Variants in PCDHA3 observed in about 807,000 individuals in gnomAD.
PCDHA3 encodes the protein protocadherin alpha-3.
A neutral mutation model predicts 62.2 loss-of-function variants in PCDHA3; 41 were observed. The ratio of observed to expected loss-of-function variants is 0.66; its 90% CI spans 0.51 to 0.86. PCDHA3 has a LOEUF of 0.86. Ranked by LOEUF, PCDHA3 falls within the 40% of genes least tolerant of loss-of-function variation. PCDHA3 has a pLI of 0.00. For synonymous variants in PCDHA3, 640 were observed against 555.4 expected (o/e 1.15, Z -2.14); for missense variants, 1,304 against 1,241.2 (o/e 1.05, Z -0.76).
At chr5:140,919,306 A>T (rs1407810868) in intron 1 of PCDHA3, among the ~76,000 whole-genome samples, 1 of 152,150 alleles carries the variant, frequency 6.6e-6, no homozygotes, top group Non-Finnish European at 1.5e-5. Context: ...TGTACAATAT[A>T]TGTTTTCCCA....
Position 140,803,157 on chromosome 5 carries a change from C to A in PCDHA3, c.1960C>A (p.His654Asn), listed in dbSNP as rs781969076. The change falls in exon 1 of 4, where the codon CAC (histidine) becomes AAC (asparagine). Residue 654 changes from histidine to asparagine, a missense_variant. By Grantham distance (68) the His-to-Asn change is moderately conservative. Coordinates refer to ENST00000522353, the MANE Select transcript of PCDHA3 (RefSeq NM_018906.3). ...RHRLLVLVKD[H>N]GEPSLTATAT... Reference sequence around the variant, plus strand: ...TCGCCTACTGGTGCTGGTGAAGGACCACGGTGAACCCTCATTGACCGCCAC... The same window carrying A: ...TCGCCTACTGGTGCTGGTGAAGGACAACGGTGAACCCTCATTGACCGCCAC... 6.2e-7 allele frequency: 1 copy of A among 1,613,868 alleles called. No homozygotes were observed. Among genetic ancestry groups the A allele is most frequent in the Non-Finnish European group, 8.5e-7 (1 of 1,179,942 alleles).
chr5:140,818,713 C>A (rs1042891714), intron 1 of PCDHA3, among the ~76,000 whole-genome samples: 1 of 152,124 alleles, frequency 6.6e-6, no homozygotes, highest in Non-Finnish European at 1.5e-5. Flanking sequence ...TGGTGCACAC[C>A]TGTGGTCCCA....
At chr5:140,883,303 T>C in intron 1 of PCDHA3, 3 of 1,614,096 alleles carry the variant, frequency 1.9e-6, no homozygotes, top group Non-Finnish European at 2.5e-6. Flanking sequence ...ATGTAAATGA[T>C]AACGCCCCAG....
At chr5:140,831,563 A>G (rs2150196275) in intron 1 of PCDHA3, among the ~76,000 whole-genome samples, 6 of 126,944 alleles carry the variant, frequency 4.7e-5, no homozygotes, top group Admixed American at 4.6e-4. Context: ...GGGTTTCTCC[A>G]TGTTGCCCAG....
chr5:140,881,803 T>A (rs574659861), intron 1 of PCDHA3, among the ~76,000 whole-genome samples: 5 of 152,058 alleles, frequency 3.3e-5, no homozygotes, highest in Non-Finnish European at 7.3e-5. Context: ...CCAAAACGAG[T>A]GTCGAATATT....
chr5:140,943,005 C>T (rs1383622610), intron 1 of PCDHA3, among the ~76,000 whole-genome samples: 2 of 151,608 alleles, frequency 1.3e-5, no homozygotes, highest in African/African-American at 4.8e-5. Context: ...GCCTGTAATC[C>T]CAGCACTTTG....
At chr5:140,826,767 G>A (rs2150145358) in intron 1 of PCDHA3, among the ~76,000 whole-genome samples, 1 of 152,140 alleles carries the variant, frequency 6.6e-6, no homozygotes, top group Non-Finnish European at 1.5e-5. Flanking sequence ...ATATTGGAGA[G>A]TAATTGAAAA....
chr5:140,918,748 C>T (rs1303112000), intron 1 of PCDHA3, among the ~76,000 whole-genome samples: 1 of 152,110 alleles, frequency 6.6e-6, no homozygotes, highest in Non-Finnish European at 1.5e-5. Flanking sequence ...ATAAAAGAGG[C>T]CCAGAGAGGT....
chr5:140,913,756 A>G (rs1184722554), intron 1 of PCDHA3, among the ~76,000 whole-genome samples: 1 of 152,072 alleles, frequency 6.6e-6, no homozygotes, highest in African/African-American at 2.4e-5. Context: ...GTTGTATCTC[A>G]TAGGTTTTGG....
chr5:140,877,422 G>A (rs781813282), intron 1 of PCDHA3: 2 of 1,613,784 alleles, frequency 1.2e-6, no homozygotes, highest in Admixed American at 1.7e-5. Context: ...TGCTGGTGCT[G>A]GTGAAGGACC....
At chr5:140,814,067 AT>A (rs1428108112) in intron 1 of PCDHA3, 2 of 153,412 alleles carry the variant, frequency 1.3e-5, no homozygotes, top group African/African-American at 4.8e-5. Flanking sequence ...GTAAACTTAA[AT>A]TTTTTAACCT....
At chr5:140,848,733 C>T (rs2150418952) in intron 1 of PCDHA3, 1 of 1,592,812 alleles carries the variant, frequency 6.3e-7, no homozygotes, top group East Asian at 2.2e-5. Context: ...GGTAAATCTG[C>T]AGAATGGCAT....
chr5:140,945,246 G>A (rs1257337219), intron 1 of PCDHA3, among the ~76,000 whole-genome samples: 1 of 151,864 alleles, frequency 6.6e-6, no homozygotes, highest in African/African-American at 2.4e-5. Context: ...TTAACCAAGA[G>A]GATGAAAGAC....
intron 2 of PCDHA3, 125 bp downstream of exon 2, chr5:140,979,132 A>T: frequency 4.8e-6 from 7 of 1,471,500 alleles, no homozygotes; most frequent in Non-Finnish European, 6.3e-6. Context: ...TGCCAGGAAA[A>T]TGCAATTATT....
intron 1 of PCDHA3, chr5:140,853,500 T>C (rs2042770346): frequency 1.0e-6 from 1 of 977,532 alleles, no homozygotes; most frequent in Non-Finnish European, 1.2e-6. Flanking sequence ...GTTAGAATCA[T>C]GAAACAATAA....
chr5:140,810,185 T>A (rs1764614415), intron 1 of PCDHA3: 1 of 152,278 alleles, frequency 6.6e-6, no homozygotes, highest in African/African-American at 2.4e-5. Context: ...GTAGTTTATT[T>A]ATTTCTGTTT....
Position 140,860,053 on chromosome 5 carries a change from C to T in PCDHA3, c.2394+56462C>T, listed in dbSNP as rs186329592. The T allele has an allele frequency of 6.0e-5, 9 of 150,766 alleles. No individual in the cohort carries two copies. In the East Asian group the frequency reaches 1.6e-3, roughly 26 times the overall value. 9.3% of individuals were successfully genotyped at this position (150,766 alleles called of 1,614,324 possible). A position where few individuals can be genotyped will look rare whatever the true frequency, so the allele number is the denominator to read the frequency against. ...CCTGTAATCCCAGCATTTTGAGAGGCCAAGGTGGGAGGATGGTTTGAGGCC... is the reference window on the plus strand; with the variant it reads ...CCTGTAATCCCAGCATTTTGAGAGGTCAAGGTGGGAGGATGGTTTGAGGCC... On this transcript the variant is annotated intron_variant, in intron 1 of 3. Transcript: ENST00000522353.
intron 1 of PCDHA3, chr5:140,876,818 A>G: frequency 6.2e-7 from 1 of 1,614,158 alleles, no homozygotes; most frequent in Non-Finnish European, 8.5e-7. Flanking sequence ...GCCGACGTGA[A>G]CGACAATGCG....
Position 140,850,690 on chromosome 5 carries a change from G to T in PCDHA3, c.2394+47099G>T, listed in dbSNP as rs2150494322. On this transcript the variant is annotated intron_variant, in intron 1 of 3. Transcript: ENST00000522353. ...TCGGCGATGCCCACCGAGGGCGAGT[G>T]CGCGCCTGGCAAGCCGACGCTGGTG... 3.1e-6 allele frequency: 5 copies of T among 1,598,402 alleles called. 1 individual carries two copies. In the South Asian group the frequency reaches 5.5e-5, roughly 18 times the overall value.
Sources: gnomAD v4.1 joint callset for allele counts (sites outside exome capture counted in the v4.1 genomes callset) on GRCh38, gnomAD v4.1.1 for gene constraint, MANE v1.5 for transcripts, NCBI Gene and HGNC (gene_info 2026-07-23, HGNC 2026-07-21) for gene names.